Variants in NEB observed in about 807,000 individuals in gnomAD.
NEB encodes the protein nemaline myopathy type 2.
Under a neutral mutation model 952.2 loss-of-function variants are expected in NEB, and 512 were observed. The observed-to-expected ratio is 0.54, with a 90% confidence interval of 0.50 to 0.58. NEB has a LOEUF of 0.58. Among genes scored for constraint, NEB ranks in the 20% least tolerant of loss-of-function variants. The pLI is 0.00. For synonymous variants in NEB, 2,900 were observed against 3,149.8 expected (o/e 0.92, Z 2.66); for missense variants, 8,428 against 9,231.1 (o/e 0.91, Z 3.56).
chr2:151,559,930 A>G (rs756435364), intron 124 of NEB, among the ~76,000 whole-genome samples: 4 of 152,184 alleles, frequency 2.6e-5, no homozygotes, highest in African/African-American at 4.8e-5. Flanking sequence ...CCCAGAACTT[A>G]AAGTATAATA....
intron 10 of NEB, chr2:151,715,987 C>A (rs2099757819): frequency 3.7e-6 from 1 of 270,704 alleles, no homozygotes; most frequent in South Asian, 3.7e-5. Context: ...AGTAAAGTAT[C>A]TTTTAAAATA....
At chr2:151,501,568 G>GTA (rs1193157874) in intron 167 of NEB, 85 bp from the exon 168 acceptor site, 1 of 657,442 alleles carries the variant, frequency 1.5e-6, no homozygotes, top group East Asian at 3.1e-5. Context: ...CCTAAAAGAA[G>GTA]TATTTTTATT....
chr2:151,568,104 A>C lies in NEB; in HGVS notation c.17811T>G (p.Val5937=). 6.2e-7 allele frequency: 1 copy of C among 1,613,700 alleles called. No individual in the cohort carries two copies. Among genetic ancestry groups the C allele is most frequent in the Non-Finnish European group, 8.5e-7 (1 of 1,179,728 alleles). The change falls in exon 113 of 182, where the codon GTT becomes GTG. Residue 5937 remains valine, a synonymous_variant. Coordinates refer to ENST00000397345, the MANE Select transcript of NEB (RefSeq NM_001164508.2). ...GAACGTCATTGCAGTGATGGGCATG[A>C]ACAAATGGCACAGCATCTGGAGGCA... ...YILPPDAVPF[V]HAHHCNDVQS...
chr2:151,710,622 T>C (rs2099742149), intron 10 of NEB, 84 bp from the exon 11 acceptor site: 1 of 816,424 alleles, frequency 1.2e-6, no homozygotes, highest in Non-Finnish European at 1.9e-6. Flanking sequence ...ATGATTAACT[T>C]TTAAAAATAT....
At chr2:151,699,852 A>C (rs1312398325) in intron 13 of NEB, among the ~76,000 whole-genome samples, 3 of 151,746 alleles carry the variant, frequency 2.0e-5, no homozygotes, top group East Asian at 3.9e-4. Flanking sequence ...TGCTGTGCAG[A>C]AGCTCTTTAG....
chr2:151,686,930 A>G (rs939943203), intron 27 of NEB, among the ~76,000 whole-genome samples: 5 of 152,172 alleles, frequency 3.3e-5, no homozygotes, highest in Non-Finnish European at 7.3e-5. Flanking sequence ...GATGATTCAA[A>G]TCTTTTATCA....
rs74747513 is a variant in NEB, at chr2:151,696,857, T to C, written c.1471-122A>G. Reference sequence around the variant, plus strand: ...AATGAAACTTGTAGTTAATAAAATATATTTTTTTCTAACTAGACTGTAGTT... The same window carrying C: ...AATGAAACTTGTAGTTAATAAAATACATTTTTTTCTAACTAGACTGTAGTT... On this transcript the variant is annotated intron_variant, in intron 16 of 181. Coordinates refer to ENST00000397345, the MANE Select transcript of NEB (RefSeq NM_001164508.2). 4,965 of 709,490 alleles carry C rather than the reference T, an allele frequency of 7.0e-3. 195 individuals are homozygous for C. In the African/African-American group the frequency reaches 0.079, roughly 11 times the overall value. 43.9% of individuals were successfully genotyped at this position (709,490 alleles called of 1,614,324 possible).
At chr2:151,497,800 A>ACAGT (rs2061302378) in intron 170 of NEB, 82 bp from the exon 171 acceptor site, 5 of 1,539,554 alleles carry the variant, frequency 3.2e-6, no homozygotes, top group East Asian at 2.4e-5. Context: ...AGGAAAAAAC[A>ACAGT]CAGTCATCCA....
Position 151,697,138 on chromosome 2 carries a change from A to G in NEB, c.1470+10T>C. On this transcript the variant is annotated intron_variant, in intron 16 of 181. Coordinates refer to ENST00000397345, the MANE Select transcript of NEB (RefSeq NM_001164508.2). Reference sequence around the variant, plus strand: ...GGCAGTCACATTCAAAGTTCAGACTACAGACTTACGTCTTTACACTGATCT... The same window carrying G: ...GGCAGTCACATTCAAAGTTCAGACTGCAGACTTACGTCTTTACACTGATCT... The G allele has an allele frequency of 6.2e-7, 1 of 1,601,226 alleles. No individual in the cohort carries two copies. Among genetic ancestry groups the G allele is most frequent in the Non-Finnish European group, 8.5e-7 (1 of 1,170,442 alleles).
intron 181 of NEB, among the ~76,000 whole-genome samples, chr2:151,487,736 G>A (rs2052145951): frequency 6.6e-6 from 1 of 152,044 alleles, no homozygotes; most frequent in African/African-American, 2.4e-5. Flanking sequence ...CAAATGGCAT[G>A]TGTGTTTAAA....
intron 9 of NEB, among the ~76,000 whole-genome samples, chr2:151,722,967 C>T (rs1008438349): frequency 6.6e-6 from 1 of 152,160 alleles, no homozygotes; most frequent in Non-Finnish European, 1.5e-5. Flanking sequence ...ACATTGTTTA[C>T]TTAATAGATT....
intron 46 of NEB, among the ~76,000 whole-genome samples, chr2:151,659,807 A>G (rs1351736237): frequency 6.6e-6 from 1 of 152,208 alleles, no homozygotes; most frequent in East Asian, 1.9e-4. Flanking sequence ...TAACTTAATA[A>G]TATAGGTTAG....
chr2:151,494,792 G>GCA (rs2059054967), intron 173 of NEB, among the ~76,000 whole-genome samples: 1 of 152,136 alleles, frequency 6.6e-6, no homozygotes, highest in Non-Finnish European at 1.5e-5. Flanking sequence ...GGGATTACAG[G>GCA]CGTGCACCAC....
chr2:151,717,938 C>G (rs912182352), intron 9 of NEB, among the ~76,000 whole-genome samples: 2 of 151,626 alleles, frequency 1.3e-5, no homozygotes, highest in African/African-American at 4.9e-5. Flanking sequence ...ACTGCAAGCT[C>G]CGCCTCCTGG....
intron 144 of NEB, among the ~76,000 whole-genome samples, chr2:151,531,304 CTTTCTTT>C (rs2090640003): frequency 8.6e-6 from 1 of 116,678 alleles, no homozygotes; most frequent in Non-Finnish European, 1.8e-5. Context: ...CTCTTTTTTT[CTTTCTTT>C]TTTTTTTTTT....
At chr2:151,718,550 C>T (rs868284222) in intron 9 of NEB, among the ~76,000 whole-genome samples, 2 of 152,130 alleles carry the variant, frequency 1.3e-5, no homozygotes, top group East Asian at 3.9e-4. Context: ...AGTGAAGAAA[C>T]GCTACACACT....
intron 38 of NEB, among the ~76,000 whole-genome samples, chr2:151,669,820 C>T (rs115197960): frequency 6.6e-6 from 1 of 152,070 alleles, no homozygotes; most frequent in Non-Finnish European, 1.5e-5. Flanking sequence ...CAGGCTCTTG[C>T]GATTGTTTGA....
chr2:151,701,259 C>T (rs1316654184), intron 13 of NEB, among the ~76,000 whole-genome samples: 14 of 149,832 alleles, frequency 9.3e-5, no homozygotes, highest in South Asian at 2.1e-4. Context: ...CTGCTGGATT[C>T]GTTTTGCCAG....
intron 153 of NEB, among the ~76,000 whole-genome samples, chr2:151,521,487 A>T (rs940583252): frequency 3.3e-5 from 5 of 152,250 alleles, no homozygotes; most frequent in Non-Finnish European, 7.3e-5. Flanking sequence ...TTCCTAAGAG[A>T]TATAGAAGTC....
Sources: gnomAD v4.1 joint callset for allele counts (sites outside exome capture counted in the v4.1 genomes callset) on GRCh38, gnomAD v4.1.1 for gene constraint, MANE v1.5 for transcripts, NCBI Gene and HGNC (gene_info 2026-07-23, HGNC 2026-07-21) for gene names.